DNAH14: variants seen among roughly 807,000 people sequenced by gnomAD.
The protein encoded by DNAH14 is dynein axonemal heavy chain 14.
A neutral mutation model predicts 520.9 loss-of-function variants in DNAH14; 478 were observed. The observed-to-expected ratio is 0.92, with a 90% confidence interval of 0.85 to 0.99. The LOEUF (loss-of-function observed/expected upper bound fraction) is 0.99, where lower values mean the gene tolerates loss of function less well. Ranked by LOEUF, DNAH14 falls within the 50% of genes least tolerant of loss-of-function variation. The probability of loss-of-function intolerance (pLI) is 0.00; values close to 1 mark genes in which losing one functional copy is unlikely to be tolerated. For missense variants in DNAH14, 4,831 were observed against 5,234.5 expected, an observed-to-expected ratio of 0.92 and a Z score of 2.38; for synonymous variants, 1,581 against 1,757.2, an observed-to-expected ratio of 0.90 and a Z score of 2.51.
intron 78 of DNAH14, among the ~76,000 whole-genome samples, chr1:225,375,853 G>A (rs145408117): frequency 0.015 from 2,295 of 151,910 alleles, 64 homozygotes; most frequent in African/African-American, 0.052. Flanking sequence ...TTGGGAAACC[G>A]AGGCAGGTGG....
At position 225,377,306 on chromosome 1, in the gene DNAH14, G is replaced by C. The variant is rs190428375; in HGVS notation, c.12586G>C (p.Asp4196His). Residue 4196 changes from aspartate (D) to histidine (H), a missense_variant, in exon 79 of 86, where the codon GAT becomes CAT. Coordinates refer to ENST00000682510, the MANE Select transcript of DNAH14 (RefSeq NM_001367479.1). ...YIHIIQSLPDDDLPEVLGIHP... is the reference protein window; with the variant it reads ...YIHIIQSLPDHDLPEVLGIHP... Reference sequence around the variant, plus strand: ...ACACATTATCCAGTCCTTACCTGATGATGACCTTCCCGAGGTCTTAGGAAT... The same window carrying C: ...ACACATTATCCAGTCCTTACCTGATCATGACCTTCCCGAGGTCTTAGGAAT... 77 of 1,550,288 alleles carry C rather than the reference G, an allele frequency of 5.0e-5. No homozygotes were observed. Among genetic ancestry groups the C allele is most frequent in the East Asian group, 9.8e-5 (4 of 40,840 alleles).
chr1:225,002,472 C>T (rs780457799), intron 8 of DNAH14, among the ~76,000 whole-genome samples: 2 of 151,998 alleles, frequency 1.3e-5, no homozygotes, highest in African/African-American at 2.4e-5. Flanking sequence ...ACATTGAGGA[C>T]ATATAATTCA....
At chr1:225,165,250 A>G (rs935366960) in intron 35 of DNAH14, among the ~76,000 whole-genome samples, 1 of 152,216 alleles carries the variant, frequency 6.6e-6, no homozygotes, top group Admixed American at 6.5e-5. Context: ...ATTATTTTAT[A>G]GTGTATCTAC....
chr1:225,297,008 C>G (rs1019025513), intron 55 of DNAH14, among the ~76,000 whole-genome samples: 1 of 152,138 alleles, frequency 6.6e-6, no homozygotes, highest in African/African-American at 2.4e-5. Flanking sequence ...CTTCCTGGAT[C>G]TGTATGACTA....
intron 10 of DNAH14, among the ~76,000 whole-genome samples, chr1:225,008,883 T>TA (rs1483904276): frequency 2.6e-5 from 4 of 152,154 alleles, no homozygotes; most frequent in Non-Finnish European, 5.9e-5. Flanking sequence ...TGTCTGTTCA[T>TA]ATCCTTTTTT....
chr1:225,127,163 G>A (rs1423923194), intron 27 of DNAH14, among the ~76,000 whole-genome samples: 2 of 152,232 alleles, frequency 1.3e-5, no homozygotes, highest in African/African-American at 2.4e-5. Flanking sequence ...GCAGTGTGGT[G>A]CTGAGAAGAA....
chr1:225,340,429 G>C (rs765882822), intron 68 of DNAH14, 28 bp from the exon 69 acceptor site: 1 of 1,497,604 alleles, frequency 6.7e-7, no homozygotes, highest in Non-Finnish European at 9.0e-7. Context: ...CATGTTCTTT[G>C]AATAACTGGT....
rs3047035 is a variant in DNAH14 at position 225,322,085 on chromosome 1, CTTTTTTTTTT to C, written c.9336-565_9336-556del. Among the ~76,000 whole-genome samples, 5 of 90,178 alleles carry C rather than the reference CTTTTTTTTTT, an allele frequency of 5.5e-5. No homozygotes were observed. The East Asian group carries it at 2.0e-3, about 35-fold the overall frequency. The allele number at this position is 90,178 out of a possible 152,430, so 59.2% of individuals were successfully genotyped here. A position where few individuals can be genotyped will look rare whatever the true frequency, so the allele number is the denominator to read the frequency against. ...TGAAGACTTTTCTTTTTTTTTCTTT[CTTTTTTTTTT>C]TTTTTTTTTTTTTGAGACAGTGTCT... On this transcript the variant is annotated intron_variant, in intron 61 of 85. Coordinates refer to ENST00000682510, the MANE Select transcript of DNAH14 (RefSeq NM_001367479.1).
chr1:225,242,359 T>C (rs1294558832), intron 43 of DNAH14, among the ~76,000 whole-genome samples: 1 of 152,172 alleles, frequency 6.6e-6, no homozygotes, highest in Non-Finnish European at 1.5e-5. Context: ...CAAAAACACA[T>C]TGTGTAAAAA....
chr1:225,349,086 C>T (rs2095328569), intron 71 of DNAH14, among the ~76,000 whole-genome samples: 1 of 152,040 alleles, frequency 6.6e-6, no homozygotes, highest in Non-Finnish European at 1.5e-5. Context: ...ATCCTCTCAC[C>T]TCACCTCCCA....
chr1:225,219,937 C>G (rs1188507438), intron 41 of DNAH14, among the ~76,000 whole-genome samples: 3 of 152,150 alleles, frequency 2.0e-5, no homozygotes, highest in African/African-American at 7.2e-5. Context: ...AATCCACCAG[C>G]ACATCAGAAA....
rs539620898 is a variant in DNAH14 at position 225,207,359 on chromosome 1, T to G, written c.6439+139T>G. The G allele has an allele frequency of 1.5e-4, 125 of 813,190 alleles. 1 individual carries two copies. Among genetic ancestry groups the G allele is most frequent in the Admixed American group, 4.4e-4 (12 of 27,496 alleles). The allele number at this position is 813,190 out of a possible 1,614,324, so 50.4% of individuals were successfully genotyped here. On this transcript the variant is annotated intron_variant, in intron 41 of 85. Coordinates refer to ENST00000682510, the MANE Select transcript of DNAH14 (RefSeq NM_001367479.1). ...TTTGGACCAACAGCAGATATGCACA[T>G]GGAACAAATTAAAAACCATTTATAG...
chr1:225,065,740 A>G, intron 17 of DNAH14, among the ~76,000 whole-genome samples: 1 of 152,100 alleles, frequency 6.6e-6, no homozygotes, highest in Non-Finnish European at 1.5e-5. Flanking sequence ...TTGTGTACAT[A>G]TACTACATTT....
At chr1:224,949,543 C>T (rs947235374) in intron 1 of DNAH14, among the ~76,000 whole-genome samples, 3 of 152,064 alleles carry the variant, frequency 2.0e-5, no homozygotes, top group Non-Finnish European at 4.4e-5. Flanking sequence ...ATAGTTAACC[C>T]ATCTTTTATT....
At position 225,358,514 on chromosome 1, in the gene DNAH14, G is replaced by A; in HGVS notation, c.11638G>A (p.Glu3880Lys). 6.6e-7 allele frequency: 1 copy of A among 1,522,782 alleles called. No homozygotes were observed. The highest frequency in any genetic ancestry group is 8.8e-7 in the Non-Finnish European group (1 of 1,136,630). The allele number at this position is 1,522,782 out of a possible 1,614,324, so 94.3% of individuals were successfully genotyped here. The change falls in exon 74 of 86, where the codon GAA (glutamate) becomes AAA (lysine). Residue 3880 changes from glutamate (E) to lysine (K), a missense_variant. Transcript: ENST00000682510. The stretch of plus-strand genomic sequence containing the variant: ...TTTTTAGGTAAAAGTTCTTAGACCA[G>A]AAAGTTTAAACAATTCAGTGAGAAA... ...RLILVKVLRP[E>K]SLNNSVRKFI...
At chr1:225,210,117 AC>A (rs34784155) in intron 41 of DNAH14, among the ~76,000 whole-genome samples, 19,371 of 151,726 alleles carry the variant, frequency 0.13, 1,401 homozygotes, top group East Asian at 0.31. Context: ...TTTTCTTCGT[AC>A]CCCAGTGGGG....
chr1:225,141,966 T>C (rs976788601), intron 28 of DNAH14, among the ~76,000 whole-genome samples: 2 of 152,174 alleles, frequency 1.3e-5, no homozygotes, highest in African/African-American at 4.8e-5. Flanking sequence ...ACAGTTTCCT[T>C]TAAACTCTAG....
Position 225,083,372 on chromosome 1 carries a change from G to A in DNAH14, c.3327+633G>A, listed in dbSNP as rs527808015. On this transcript the variant is annotated intron_variant, in intron 20 of 85. Coordinates refer to ENST00000682510, the MANE Select transcript of DNAH14 (RefSeq NM_001367479.1). The stretch of plus-strand genomic sequence containing the variant: ...AATGATCTGTTGTAATGAGGAACAT[G>A]AGCACCTTTTTTAAGAATTTAAAAA... 3.9e-5 allele frequency among the ~76,000 whole-genome samples: 6 copies of A among 152,104 alleles called. No homozygotes were observed. In the East Asian group the frequency reaches 7.7e-4, roughly 20 times the overall value.
At chr1:225,049,535 T>C (rs1247216139) in intron 15 of DNAH14, among the ~76,000 whole-genome samples, 4 of 152,208 alleles carry the variant, frequency 2.6e-5, no homozygotes, top group Non-Finnish European at 5.9e-5. Context: ...CTAAACTACT[T>C]ACTTTTGATA....
Sources: allele counts gnomAD v4.1 joint callset (sites outside exome capture counted in the v4.1 genomes callset), GRCh38; gene constraint gnomAD v4.1.1; transcripts MANE v1.5; gene names NCBI Gene and HGNC (gene_info 2026-07-23, HGNC 2026-07-21).